ANKRD31: variants seen among roughly 807,000 people sequenced by gnomAD.
ANKRD31 encodes the protein ankyrin repeat domain 31, also known as ankyrin repeat domain-containing protein 31.
A neutral mutation model predicts 186.0 loss-of-function variants in ANKRD31; 147 were observed. The ratio of observed to expected loss-of-function variants is 0.79; its 90% confidence interval spans 0.69 to 0.91. ANKRD31 has a LOEUF of 0.91. Ranked by LOEUF, ANKRD31 falls within the 40% of genes least tolerant of loss-of-function variation. ANKRD31 has a pLI of 0.00. For synonymous variants in ANKRD31, 673 were observed against 736.4 expected, an observed-to-expected ratio of 0.91 and a Z score of 1.39; for missense variants, 1,986 against 2,148.8, an observed-to-expected ratio of 0.92 and a Z score of 1.50.
chr5:75,103,514 A>G (rs1425850573), intron 22 of ANKRD31, among the ~76,000 whole-genome samples: 1 of 152,208 alleles, frequency 6.6e-6, no homozygotes, highest in Admixed American at 6.5e-5. Flanking sequence ...TACCCAAAGG[A>G]ATATAAATTA....
At chr5:75,201,030 G>A (rs1030285627) in intron 5 of ANKRD31, among the ~76,000 whole-genome samples, 4 of 152,056 alleles carry the variant, frequency 2.6e-5, no homozygotes, top group African/African-American at 9.7e-5. Context: ...CTTTTGATTA[G>A]GTAATGTCTA....
rs1376887579 is a variant in ANKRD31 at position 75,146,190 on chromosome 5, AT to A, written c.3220del (p.Ile1074Ter). 2.0e-6 allele frequency: 3 copies of A among 1,535,678 alleles called. No individual in the cohort carries two copies. The South Asian group carries it at 3.6e-5, about 18-fold the overall frequency. On this transcript the variant is annotated frameshift_variant, in exon 14 of 26. Coordinates refer to ENST00000506364, the MANE Select transcript of ANKRD31 (RefSeq NM_001372053.1). LOFTEE classifies it high-confidence loss of function. ...GGATAAAGGCTCATTTGAATAAATT[AT>A]TTTTTGGTCTCTGTCAATGTAATTC... ...ERNYIDRDQKIIYSNEPLSIV... is the reference protein window; with the variant it reads ...ERNYIDRDQKXIYSNEPLSIV...
intron 10 of ANKRD31, among the ~76,000 whole-genome samples, chr5:75,175,794 C>T (rs1280611627): frequency 6.6e-6 from 1 of 152,112 alleles, no homozygotes; most frequent in African/African-American, 2.4e-5. Context: ...CAGTCTACAG[C>T]TCCCAGCGTG....
intron 9 of ANKRD31, among the ~76,000 whole-genome samples, chr5:75,191,077 A>G (rs920481890): frequency 1.1e-4 from 17 of 152,114 alleles, no homozygotes; most frequent in Non-Finnish European, 5.9e-5. Context: ...AACCAAGAGG[A>G]TTTAAAAAGA....
At chr5:75,230,909 T>C (rs955663428) in intron 1 of ANKRD31, among the ~76,000 whole-genome samples, 1 of 152,206 alleles carries the variant, frequency 6.6e-6, no homozygotes, top group Non-Finnish European at 1.5e-5. Context: ...GTCTCTAGTC[T>C]AATAAACCTT....
intron 17 of ANKRD31, among the ~76,000 whole-genome samples, chr5:75,131,368 T>C (rs6862754): frequency 0.51 from 77,197 of 151,976 alleles, 22,674 homozygotes; most frequent in African/African-American, 0.82. Context: ...TTATATCCTG[T>C]GCATGGGTCA....
rs948513037 is a variant in ANKRD31, at chr5:75,105,276, G to T, written c.4341-58C>A. The T allele has an allele frequency of 5.0e-6, 7 of 1,406,786 alleles. No individual in the cohort carries two copies. In the South Asian group the frequency reaches 9.9e-5, roughly 20 times the overall value. The allele number at this position is 1,406,786 out of a possible 1,614,324, so 87.1% of individuals were successfully genotyped here. Reference sequence around the variant, plus strand: ...ATAACAGCAGAAAACTTTTCAAAGCGGTCACTTAGAGGTTAAAGATACTTT... The same window carrying T: ...ATAACAGCAGAAAACTTTTCAAAGCTGTCACTTAGAGGTTAAAGATACTTT... On this transcript the variant is annotated intron_variant, in intron 21 of 25. Coordinates refer to ENST00000506364, the MANE Select transcript of ANKRD31 (RefSeq NM_001372053.1).
intron 5 of ANKRD31, among the ~76,000 whole-genome samples, chr5:75,203,673 A>AAG (rs1554092027): frequency 6.7e-6 from 1 of 148,240 alleles, no homozygotes; most frequent in Non-Finnish European, 1.5e-5. Context: ...AAAAAAAAAA[A>AAG]AAAAGAAAAG....
At chr5:75,125,549 T>A (rs1315334708) in intron 17 of ANKRD31, among the ~76,000 whole-genome samples, 1 of 152,178 alleles carries the variant, frequency 6.6e-6, no homozygotes. Flanking sequence ...TTCAGAAAAG[T>A]AAACTTCTAG....
chr5:75,090,097 A>G (rs767333313), intron 23 of ANKRD31, among the ~76,000 whole-genome samples: 1 of 152,256 alleles, frequency 6.6e-6, no homozygotes, highest in Non-Finnish European at 1.5e-5. Flanking sequence ...AGTATAATCT[A>G]TCATAAGTGT....
At chr5:75,205,806 C>T (rs1234573435) in intron 5 of ANKRD31, among the ~76,000 whole-genome samples, 2 of 152,052 alleles carry the variant, frequency 1.3e-5, no homozygotes, top group Non-Finnish European at 2.9e-5. Flanking sequence ...CTGACATTCA[C>T]TCTGGAGGAA....
intron 17 of ANKRD31, among the ~76,000 whole-genome samples, chr5:75,125,286 C>T (rs182807957): frequency 3.6e-4 from 55 of 152,110 alleles, no homozygotes; most frequent in Non-Finnish European, 6.5e-4. Context: ...AGGTATGAAA[C>T]GATAAAATAT....
chr5:75,130,232 T>C (rs1359628206), intron 17 of ANKRD31, among the ~76,000 whole-genome samples: 2 of 152,196 alleles, frequency 1.3e-5, no homozygotes, highest in Non-Finnish European at 2.9e-5. Flanking sequence ...TCTCGCTGGC[T>C]TCAAGAGTGA....
At chr5:75,069,671 A>G (rs527911147) in intron 25 of ANKRD31, among the ~76,000 whole-genome samples, 2 of 151,682 alleles carry the variant, frequency 1.3e-5, no homozygotes, top group Non-Finnish European at 2.9e-5. Flanking sequence ...TCAGCCTCCC[A>G]AGTAGCTGGG....
chr5:75,098,142 A>G (rs1254071909), intron 22 of ANKRD31, among the ~76,000 whole-genome samples: 1 of 151,674 alleles, frequency 6.6e-6, no homozygotes, highest in East Asian at 1.9e-4. Flanking sequence ...ACAGGCGCCC[A>G]CCACCATGCC....
At chr5:75,129,142 TA>T (rs375836783) in intron 17 of ANKRD31, among the ~76,000 whole-genome samples, 456 of 152,222 alleles carry the variant, frequency 3.0e-3, no homozygotes, top group African/African-American at 0.011. Flanking sequence ...TCTGGTGGTT[TA>T]AAAGTGTGTA....
chr5:75,146,974 G>A lies in ANKRD31; in HGVS notation c.2437C>T (p.Leu813=), dbSNP rs1251529410. The change falls in exon 14 of 26, where the codon CTG becomes TTG. Residue 813 remains leucine (L), a synonymous_variant. Coordinates refer to ENST00000506364, the MANE Select transcript of ANKRD31 (RefSeq NM_001372053.1). ...ACTTCTTGACTATCTGATAAATCCA[G>A]GTTCTGGATGTGTTTCTCTTTGGAA... is the stretch of plus-strand genomic sequence containing the variant. The part of the protein sequence containing the change: ...SVSKEKHIQN[L]DLSDSQEVQC... 1 of 1,536,278 alleles carries A rather than the reference G, an allele frequency of 6.5e-7. No homozygotes were observed. Among genetic ancestry groups the A allele is most frequent in the Non-Finnish European group, 8.7e-7 (1 of 1,146,306 alleles).
At chr5:75,124,423 A>T (rs956880321) in intron 17 of ANKRD31, among the ~76,000 whole-genome samples, 1 of 152,202 alleles carries the variant, frequency 6.6e-6, no homozygotes, top group Non-Finnish European at 1.5e-5. Context: ...CAGCAATCTC[A>T]CTACTGGGTA....
At chr5:75,106,464 G>C (rs933772635) in intron 21 of ANKRD31, among the ~76,000 whole-genome samples, 2 of 152,024 alleles carry the variant, frequency 1.3e-5, no homozygotes, top group African/African-American at 2.4e-5. Flanking sequence ...ATTCATATTA[G>C]CAAACAACTG....
Sources: allele counts gnomAD v4.1 joint callset (sites outside exome capture counted in the v4.1 genomes callset), GRCh38; gene constraint gnomAD v4.1.1; transcripts MANE v1.5; gene names NCBI Gene and HGNC (gene_info 2026-07-23, HGNC 2026-07-21).